The following GRB10 variants were observed in gnomAD, a reference collection of about 807,000 sequenced individuals.
The protein encoded by GRB10 is growth factor receptor-bound protein 10.
A neutral mutation model predicts 80.9 loss-of-function variants in GRB10; 20 were observed. The ratio of observed to expected loss-of-function variants is 0.25; its 90% CI spans 0.17 to 0.36. The LOEUF (loss-of-function observed/expected upper bound fraction) is 0.36, where lower values mean the gene tolerates loss of function less well. Among genes scored for constraint, GRB10 ranks in the 10% least tolerant of loss-of-function variants. The pLI, the probability that GRB10 is intolerant of heterozygous loss-of-function variation, is 1.00. For synonymous variants in GRB10, 291 were observed against 291.5 expected, an observed-to-expected ratio of 1.00 and a Z score of 0.02; for missense variants, 548 against 747.7, an observed-to-expected ratio of 0.73 and a Z score of 3.12.
intron 7 of GRB10, among the ~76,000 whole-genome samples, chr7:50,633,795 A>T (rs2054452711): frequency 6.6e-6 from 1 of 152,206 alleles, no homozygotes; most frequent in South Asian, 2.1e-4. Context: ...GAGTAGACCA[A>T]GCAGAAGAAT....
chr7:50,618,358 T>C (rs970943979), intron 9 of GRB10, among the ~76,000 whole-genome samples: 2 of 152,214 alleles, frequency 1.3e-5, no homozygotes, highest in Non-Finnish European at 2.9e-5. Flanking sequence ...TAGTGTGGAA[T>C]ACCAACTATG....
At chr7:50,749,134 G>GTTTTTTTTTTTTTTTTTTTTTT (rs11405172) in intron 3 of GRB10, among the ~76,000 whole-genome samples, 4 of 137,900 alleles carry the variant, frequency 2.9e-5, no homozygotes, top group South Asian at 2.3e-4. Context: ...TTTTTTGTTT[G>GTTTTTTTTTTTTTTTTTTTTTT]TTTTTTTTTT....
At chr7:50,755,399 A>C (rs2074914098) in intron 3 of GRB10, among the ~76,000 whole-genome samples, 1 of 152,180 alleles carries the variant, frequency 6.6e-6, no homozygotes, top group African/African-American at 2.4e-5. Flanking sequence ...CCCCAGTCTC[A>C]GTACTGACTG....
intron 3 of GRB10, among the ~76,000 whole-genome samples, chr7:50,750,349 T>C (rs1372648871): frequency 6.6e-6 from 1 of 152,198 alleles, no homozygotes; most frequent in African/African-American, 2.4e-5. Context: ...TTCTGAAAAG[T>C]TGAGTTAACT....
At chr7:50,714,595 G>T (rs912718705) in intron 4 of GRB10, among the ~76,000 whole-genome samples, 13 of 151,946 alleles carry the variant, frequency 8.6e-5, no homozygotes, top group African/African-American at 3.1e-4. Context: ...CCCAGGAGGC[G>T]GAGCTTGCAG....
intron 5 of GRB10, among the ~76,000 whole-genome samples, chr7:50,686,320 G>A (rs1027786870): frequency 2.6e-5 from 4 of 152,204 alleles, no homozygotes; most frequent in African/African-American, 9.7e-5. Context: ...TCAGTTGCCA[G>A]ATCTGGGAGC....
At chr7:50,690,272 G>A (rs2062643015) in intron 5 of GRB10, among the ~76,000 whole-genome samples, 1 of 150,686 alleles carries the variant, frequency 6.6e-6, no homozygotes, top group Non-Finnish European at 1.5e-5. Context: ...CTCCAGCCTG[G>A]GCAACAAGAG....
At chr7:50,603,865 C>T in intron 17 of GRB10, 133 bp downstream of exon 17, 1 of 841,454 alleles carries the variant, frequency 1.2e-6, no homozygotes, top group Non-Finnish European at 2.1e-6. Context: ...CTCTAGCCTA[C>T]CTTTTCTCCT....
intron 12 of GRB10, among the ~76,000 whole-genome samples, chr7:50,614,216 G>A (rs2153578740): frequency 6.6e-6 from 1 of 152,342 alleles, no homozygotes; most frequent in East Asian, 1.9e-4. Context: ...ATACCTGTGT[G>A]TATGCACAAA....
chr7:50,660,616 C>G (rs1291182539), intron 7 of GRB10, among the ~76,000 whole-genome samples: 1 of 152,156 alleles, frequency 6.6e-6, no homozygotes. Context: ...CGTGGCCTCT[C>G]GGTGCAGACG....
intron 7 of GRB10, among the ~76,000 whole-genome samples, chr7:50,653,038 T>C (rs942246647): frequency 4.6e-5 from 7 of 152,200 alleles, no homozygotes; most frequent in Admixed American, 4.6e-4. Context: ...CTCATGTAAC[T>C]GGTTACAAAG....
chr7:50,648,864 A>G (rs920518066), intron 7 of GRB10, among the ~76,000 whole-genome samples: 5 of 152,172 alleles, frequency 3.3e-5, no homozygotes, highest in Non-Finnish European at 5.9e-5. Flanking sequence ...GACAAAGTAA[A>G]TATTCTGGGT....
At chr7:50,657,505 G>T (rs1276822903) in intron 7 of GRB10, among the ~76,000 whole-genome samples, 4 of 152,104 alleles carry the variant, frequency 2.6e-5, no homozygotes, top group African/African-American at 7.2e-5. Context: ...GCCGGTACAT[G>T]GTGTTCCCAT....
intron 3 of GRB10, among the ~76,000 whole-genome samples, chr7:50,740,996 C>T (rs193085853): frequency 1.3e-5 from 2 of 152,214 alleles, no homozygotes; most frequent in African/African-American, 2.4e-5. Flanking sequence ...AATCCAAATA[C>T]TAAAAAGCAT....
intron 7 of GRB10, among the ~76,000 whole-genome samples, chr7:50,661,748 G>GC (rs1438481239): frequency 2.6e-5 from 4 of 152,108 alleles, no homozygotes; most frequent in Admixed American, 2.0e-4. Context: ...GGGTCAGTGC[G>GC]CCCCACATGT....
At chr7:50,599,456 C>A (rs2047225286) in intron 17 of GRB10, among the ~76,000 whole-genome samples, 1 of 152,202 alleles carries the variant, frequency 6.6e-6, no homozygotes, top group Non-Finnish European at 1.5e-5. Context: ...TACAAATACA[C>A]CTCCTCCCTA....
chr7:50,724,260 C>T lies in GRB10; in HGVS notation c.51+8012G>A, dbSNP rs999191609. Among the ~76,000 whole-genome samples the T allele has an allele frequency of 2.6e-5, 4 of 152,200 alleles. No individual in the cohort carries two copies. The South Asian group carries it at 8.3e-4, about 31-fold the overall frequency. On this transcript the variant is annotated intron_variant, in intron 4 of 18. Coordinates refer to ENST00000401949, the MANE Select transcript of GRB10 (RefSeq NM_001350814.2). ...AGACTAGTGCTTCAGGAGCCACCTGCGGGGAAGAAGCAGTTTTTGCTGTCC... is the reference window on the plus strand; with the variant it reads ...AGACTAGTGCTTCAGGAGCCACCTGTGGGGAAGAAGCAGTTTTTGCTGTCC...
At chr7:50,656,337 G>C (rs554360222) in intron 7 of GRB10, among the ~76,000 whole-genome samples, 1 of 152,158 alleles carries the variant, frequency 6.6e-6, no homozygotes, top group Non-Finnish European at 1.5e-5. Context: ...GGGAGGCAGC[G>C]GCAGTGAGCT....
chr7:50,773,855 G>GTTTA (rs897875261), intron 2 of GRB10, among the ~76,000 whole-genome samples: 5 of 150,632 alleles, frequency 3.3e-5, no homozygotes, highest in East Asian at 3.9e-4. Flanking sequence ...TTATTTGTTT[G>GTTTA]TTTATTTATT....
Sources: allele counts gnomAD v4.1 joint callset (sites outside exome capture counted in the v4.1 genomes callset), GRCh38; gene constraint gnomAD v4.1.1; transcripts MANE v1.5; gene names NCBI Gene and HGNC (gene_info 2026-07-23, HGNC 2026-07-21).